Variants in ZNF518A observed in about 807,000 individuals in gnomAD.
ZNF518A encodes the protein zinc finger protein 518.
A neutral mutation model predicts 102.7 loss-of-function variants in ZNF518A; 47 were observed. The observed-to-expected ratio is 0.46, with a 90% CI of 0.36 to 0.58. The LOEUF is 0.58. ZNF518A is among the 20% of genes least tolerant of loss of function. ZNF518A has a pLI of 0.00. For missense variants in ZNF518A, 1,793 were observed against 1,699.8 expected (o/e 1.05, Z -0.96); for synonymous variants, 652 against 594.6 (o/e 1.10, Z -1.40).
chr10:96,191,920 A>T, intron 1 of ZNF518A: 1 of 1,610,360 alleles, frequency 6.2e-7, no homozygotes, highest in Non-Finnish European at 8.5e-7. Context: ...TCTCAAAAGG[A>T]GAAACTTTGG....
In ZNF518A at chr10:96,130,425, C is replaced by T. The variant is rs1162298698; in HGVS notation, c.-780C>T. 1.3e-5 allele frequency among the ~76,000 whole-genome samples: 2 copies of T among 152,260 alleles called. No individual in the cohort carries two copies. Among genetic ancestry groups the T allele is most frequent in the African/African-American group, 4.8e-5 (2 of 41,472 alleles). ...TTCCGGGCTTTTTGAACTCTACACT[C>T]TCCTACATTCTAGGAGCTGGGTGGG... is the stretch of plus-strand genomic sequence containing the variant. On this transcript the variant is annotated 5_prime_UTR_variant, in exon 1 of 6. Transcript: ENST00000316045.
chr10:96,144,972 T>G (rs1450086968), intron 3 of ZNF518A, among the ~76,000 whole-genome samples: 1 of 152,244 alleles, frequency 6.6e-6, no homozygotes, highest in Non-Finnish European at 1.5e-5. Flanking sequence ...ATTAGGTTGG[T>G]GTTACAATTT....
chr10:96,179,023 A>C (rs933555736), intron 1 of ZNF518A, among the ~76,000 whole-genome samples: 2 of 152,142 alleles, frequency 1.3e-5, no homozygotes, highest in East Asian at 3.9e-4. Flanking sequence ...TCTTTCAAAA[A>C]ATAGGGGAAT....
intron 3 of ZNF518A, among the ~76,000 whole-genome samples, chr10:96,151,993 C>T (rs782600565): frequency 6.6e-6 from 1 of 152,140 alleles, no homozygotes; most frequent in African/African-American, 2.4e-5. Flanking sequence ...ATATAGAAGG[C>T]AGTAGTTTAA....
At chr10:96,194,767 A>ATTTTT (rs2083415785) in intron 1 of ZNF518A, among the ~76,000 whole-genome samples, 3 of 63,364 alleles carry the variant, frequency 4.7e-5, no homozygotes, top group Non-Finnish European at 1.1e-4. Context: ...GAGAAATGCA[A>ATTTTT]ATTTTTTTTT....
intron 3 of ZNF518A, among the ~76,000 whole-genome samples, chr10:96,134,453 A>G (rs1413851502): frequency 1.3e-5 from 2 of 152,128 alleles, no homozygotes; most frequent in Non-Finnish European, 2.9e-5. Flanking sequence ...AGGCTGGTCT[A>G]GAACTCCTGA....
At chr10:96,129,803 G>T (rs2081229875), upstream of ZNF518A, 1 of 152,332 alleles carries the variant, frequency 6.6e-6, no homozygotes, top group South Asian at 2.1e-4. Context: ...GTAGACGTTT[G>T]TCTGCCATTT....
intron 1 of ZNF518A, among the ~76,000 whole-genome samples, chr10:96,201,420 C>G (rs2083631571): frequency 6.6e-6 from 1 of 152,168 alleles, no homozygotes; most frequent in Non-Finnish European, 1.5e-5. Flanking sequence ...ACTAATGCCA[C>G]TCTTTTCCCT....
chr10:96,204,065 G>T lies in ZNF518A; in HGVS notation n.236G>T, dbSNP rs1177361907. ...GGCTTCGTTGTACTTACTTGGCAGA[G>T]GTATGGGTTTTTGGTGGATTTGTCT... On this transcript the variant is annotated non_coding_transcript_exon_variant, in exon 3 of 3. Coordinates refer to the ZNF518A transcript ENST00000442635. The T allele has an allele frequency of 6.2e-7, 1 of 1,613,648 alleles. No homozygotes were observed. Among genetic ancestry groups the T allele is most frequent in the Non-Finnish European group, 8.5e-7 (1 of 1,179,596 alleles).
intron 3 of ZNF518A, among the ~76,000 whole-genome samples, chr10:96,137,796 C>T (rs1310745654): frequency 6.6e-6 from 1 of 152,224 alleles, no homozygotes; most frequent in Non-Finnish European, 1.5e-5. Context: ...TATACACACA[C>T]CGATAACTCC....
At chr10:96,192,333 G>A (rs2083349026) in intron 1 of ZNF518A, among the ~76,000 whole-genome samples, 1 of 152,158 alleles carries the variant, frequency 6.6e-6, no homozygotes, top group African/African-American at 2.4e-5. Flanking sequence ...TACTTAGAGA[G>A]ATTACTTCAC....
chr10:96,191,645 C>T, intron 1 of ZNF518A: 1 of 215,602 alleles, frequency 4.6e-6, no homozygotes, highest in Admixed American at 5.4e-5. Flanking sequence ...AATTTCCAGC[C>T]ACTTTGTTTT....
At position 96,158,829 on chromosome 10, in the gene ZNF518A, A is replaced by G. The variant is rs1554885150; in HGVS notation, c.2507A>G (p.Gln836Arg). 4 of 1,613,712 alleles carry G rather than the reference A, an allele frequency of 2.5e-6. No individual in the cohort carries two copies. The African/African-American group carries it at 4.0e-5, about 16-fold the overall frequency. Residue 836 changes from glutamine to arginine, a missense_variant, in exon 6 of 6, where the codon CAA (glutamine) becomes CGA (arginine). Around this residue, in one of 3 missense-constraint regions of ZNF518A, gnomAD observed 1,741 missense variants for 1,622.6 expected, o/e 1.07. Coordinates refer to ENST00000316045, the MANE Select transcript of ZNF518A (RefSeq NM_001330736.2). Reference sequence around the variant, plus strand: ...GAATCTTCGAAAGATTTCAAAGTGCAAGGCATCTTCCCAGTTCCACCTGGC... The same window carrying G: ...GAATCTTCGAAAGATTTCAAAGTGCGAGGCATCTTCCCAGTTCCACCTGGC... ...IVESSKDFKVQGIFPVPPGSV... is the reference protein window; with the variant it reads ...IVESSKDFKVRGIFPVPPGSV...
At chr10:96,181,079 A>G (rs1380359182) in intron 1 of ZNF518A, among the ~76,000 whole-genome samples, 4 of 152,102 alleles carry the variant, frequency 2.6e-5, no homozygotes, top group African/African-American at 7.2e-5. Context: ...TTTGATTTGC[A>G]TTTCTCTGAT....
intron 1 of ZNF518A, among the ~76,000 whole-genome samples, chr10:96,170,661 T>C (rs2083168032): frequency 6.6e-6 from 1 of 152,236 alleles, no homozygotes; most frequent in South Asian, 2.1e-4. Flanking sequence ...TGCCAGACTT[T>C]TAATTGCTTT....
downstream of ZNF518A, chr10:96,163,898 A>C (rs1195968075): frequency 6.0e-6 from 1 of 165,296 alleles, no homozygotes; most frequent in Non-Finnish European, 1.5e-5. Context: ...ACCTGTGTAA[A>C]AGAGCTACAA....
At chr10:96,190,725 T>G (rs1465336822) in intron 1 of ZNF518A, among the ~76,000 whole-genome samples, 6 of 152,258 alleles carry the variant, frequency 3.9e-5, no homozygotes, top group African/African-American at 1.4e-4. Context: ...TTAGCTGCTT[T>G]ATCACTTCAC....
downstream of ZNF518A, chr10:96,205,136 A>G (rs2083763616): frequency 6.1e-6 from 1 of 163,748 alleles, no homozygotes. Flanking sequence ...TTATCCCTAT[A>G]ATAATGTAAA....
At chr10:96,164,001 G>T (rs587711048), downstream of ZNF518A, among the ~76,000 whole-genome samples, 4 of 152,288 alleles carry the variant, frequency 2.6e-5, no homozygotes, top group East Asian at 5.8e-4. Flanking sequence ...TGGTTAGTGG[G>T]TAAAATAGGT....
Sources: allele counts gnomAD v4.1 joint callset (sites outside exome capture counted in the v4.1 genomes callset), GRCh38; gene constraint gnomAD v4.1.1; regional missense constraint gnomAD v4.1.1; transcripts MANE v1.5; gene names NCBI Gene and HGNC (gene_info 2026-07-23, HGNC 2026-07-21).